The following TMEM53 variants were observed in gnomAD, a reference collection of about 807,000 sequenced individuals.
The protein encoded by TMEM53 is novel DUF829 domain-containing protein.
TMEM53 carries 14 observed loss-of-function variants against 21.4 expected under a neutral mutation model. The ratio of observed to expected loss-of-function variants is 0.65; its 90% CI spans 0.43 to 1.02. The LOEUF (loss-of-function observed/expected upper bound fraction) is 1.02. Ranked by LOEUF, TMEM53 falls within the 50% of genes least tolerant of loss-of-function variation. The pLI, the probability that TMEM53 is intolerant of heterozygous loss-of-function variation, is 0.00. For synonymous variants in TMEM53, 148 were observed against 157.4 expected (o/e 0.94, Z 0.45); for missense variants, 323 against 383.6 (o/e 0.84, Z 1.32).
chr1:44,672,227 A>G (rs564021455), intron 1 of TMEM53, among the ~76,000 whole-genome samples: 67 of 152,364 alleles, frequency 4.4e-4, no homozygotes, highest in African/African-American at 1.6e-3. Flanking sequence ...AGCAATAAGG[A>G]GGAGAAACAA....
At chr1:44,664,510 G>A (rs1380110267) in intron 1 of TMEM53, among the ~76,000 whole-genome samples, 2 of 151,336 alleles carry the variant, frequency 1.3e-5, no homozygotes, top group Admixed American at 6.6e-5. Context: ...TTTTACAGAC[G>A]AAAACCTGAG....
Position 44,674,280 on chromosome 1 carries a change from C to G in TMEM53, c.61+51G>C, listed in dbSNP as rs1234044497. On this transcript the variant is annotated intron_variant, in intron 1 of 2. Coordinates refer to ENST00000372237, the MANE Select transcript of TMEM53 (RefSeq NM_024587.4). ...GGGCTACAGCTGCGCTCGCAACCCACAGGTTCATGAGGTCACCTCCCCGCG... is the reference window on the plus strand; with the variant it reads ...GGGCTACAGCTGCGCTCGCAACCCAGAGGTTCATGAGGTCACCTCCCCGCG... 4.5e-6 allele frequency: 7 copies of G among 1,568,256 alleles called. No individual in the cohort carries two copies. The East Asian group carries it at 6.9e-5, about 15-fold the overall frequency.
chr1:44,659,074 G>A (rs948198923), intron 2 of TMEM53, among the ~76,000 whole-genome samples: 2 of 152,184 alleles, frequency 1.3e-5, no homozygotes, highest in African/African-American at 4.8e-5. Flanking sequence ...GAAACTGCCC[G>A]CAGTGAGGCT....
At chr1:44,669,458 G>A (rs1644979725) in intron 1 of TMEM53, among the ~76,000 whole-genome samples, 3 of 152,140 alleles carry the variant, frequency 2.0e-5, no homozygotes, top group Admixed American at 2.0e-4. Context: ...CCCTCCTAAT[G>A]GCAACTGAAA....
intron 2 of TMEM53, among the ~76,000 whole-genome samples, chr1:44,658,585 T>C (rs986527558): frequency 6.6e-6 from 1 of 152,092 alleles, no homozygotes; most frequent in East Asian, 1.9e-4. Flanking sequence ...GGGTCTCACT[T>C]TGTTGCCCAG....
Position 44,655,012 on chromosome 1 carries a change from C to G in TMEM53, c.381G>C (p.Leu127=), listed in dbSNP as rs747828739. The change falls in exon 3 of 3, where the codon CTG becomes CTC. Residue 127 remains leucine (L), a synonymous_variant. Coordinates refer to ENST00000372237, the MANE Select transcript of TMEM53 (RefSeq NM_024587.4). This position sits in a 1 kb window ranked among gnomAD's most constrained non-coding sequence, Gnocchi z 4.4. ...VMLYRYVLEL[L]QTRRFCRLRV... is the part of the protein sequence containing the mutation. ...GCAGGCGGCAGAAGCGACGGGTCTG[C>G]AGGAGCTCCAGCACGTAGCGGTACA... is the stretch of plus-strand genomic sequence containing the variant. The G allele has an allele frequency of 6.2e-7, 1 of 1,613,924 alleles. No individual in the cohort carries two copies. Among genetic ancestry groups the G allele is most frequent in the Admixed American group, 1.7e-5 (1 of 60,006 alleles).
At position 44,654,741 on chromosome 1, in the gene TMEM53, T is replaced by C. The variant is rs771558169; in HGVS notation, c.652A>G (p.Arg218Gly). ...CTGGCCAGGACTACTTCGTCAGCCCTCGAGTAGAGGTAGAGCTCGGGCCAG... is the reference window on the plus strand; with the variant it reads ...CTGGCCAGGACTACTTCGTCAGCCCCCGAGTAGAGGTAGAGCTCGGGCCAG... ...SRWPELYLYS[R>G]ADEVVLARDI... Residue 218 changes from arginine to glycine, a missense_variant, in exon 3 of 3, where the codon AGG becomes GGG. By Grantham distance (125) the Arg-to-Gly change is moderately radical. Around this residue, in one of 3 missense-constraint regions of TMEM53, gnomAD observed 269 missense variants for 334.5 expected, o/e 0.80. Transcript: ENST00000372237. This position sits in a 1 kb window ranked among gnomAD's most constrained non-coding sequence, Gnocchi z 7.0. 4 of 1,613,856 alleles carry C rather than the reference T, an allele frequency of 2.5e-6. No homozygotes were observed. The highest frequency in any genetic ancestry group is 3.4e-6 in the Non-Finnish European group (4 of 1,180,010).
chr1:44,673,294 C>T (rs1484460026), intron 1 of TMEM53, among the ~76,000 whole-genome samples: 3 of 152,190 alleles, frequency 2.0e-5, no homozygotes, highest in Non-Finnish European at 2.9e-5. Context: ...GGAAGGCTCT[C>T]CTTAAGGAGG....
rs1395890503 is a variant in TMEM53 at position 44,674,331 on chromosome 1, T to C, written c.61A>G (p.Lys21Glu). The C allele has an allele frequency of 6.2e-7, 1 of 1,611,722 alleles. No individual in the cohort carries two copies. The highest frequency in any genetic ancestry group is 2.2e-5 in the East Asian group (1 of 44,644). Reference sequence around the variant, plus strand: ...CCTGGACCCAACCCTCATTCCATACTCTGGCTCCAGCAGGGCTGATCCGGG... The same window carrying C: ...CCTGGACCCAACCCTCATTCCATACCCTGGCTCCAGCAGGGCTGATCCGGG... ...EIPDQPCWSQ[K>E]NSPSPGGKEA... The change falls in exon 1 of 3, where the codon AAG (lysine) becomes GAG (glutamate). Residue 21 changes from lysine to glutamate, a missense_variant and splice_region_variant. By Grantham distance (56) the Lys-to-Glu change is moderately conservative. Around this residue, in one of 3 missense-constraint regions of TMEM53, gnomAD observed 49 missense variants for 32.9 expected, o/e 1.49. Coordinates refer to ENST00000372237, the MANE Select transcript of TMEM53 (RefSeq NM_024587.4).
At chr1:44,672,573 AGAATGTTTG>A (rs1645011282) in intron 1 of TMEM53, among the ~76,000 whole-genome samples, 1 of 152,208 alleles carries the variant, frequency 6.6e-6, no homozygotes, top group South Asian at 2.1e-4. Flanking sequence ...CCAACAGGCT[AGAATGTTTG>A]GGCAGAAGCA....
chr1:44,658,840 C>T (rs1245848891), intron 2 of TMEM53, among the ~76,000 whole-genome samples: 2 of 152,206 alleles, frequency 1.3e-5, no homozygotes, highest in Non-Finnish European at 2.9e-5. Flanking sequence ...ACATGAGTCA[C>T]TGCGCCAGGC....
In TMEM53 at chr1:44,660,308, T is replaced by C. The variant is rs773017344; in HGVS notation, c.62-13A>G. On this transcript the variant is annotated splice_polypyrimidine_tract_variant and intron_variant, in intron 1 of 2. Coordinates refer to ENST00000372237, the MANE Select transcript of TMEM53 (RefSeq NM_024587.4). ...CTGGGGCTGTTCTCTGAAACACAGA[T>C]GTGGACTGTCAACACCAGAGCTGGG... The C allele has an allele frequency of 1.9e-6, 3 of 1,610,866 alleles. No individual in the cohort carries two copies. The highest frequency in any genetic ancestry group is 2.5e-6 in the Non-Finnish European group (3 of 1,178,778).
rs148782802 is a variant in TMEM53 at position 44,653,504 on chromosome 1, C to T, written c.*1055G>A. 1.3e-5 allele frequency: 2 copies of T among 152,310 alleles called. No individual in the cohort carries two copies. The highest frequency in any genetic ancestry group is 2.9e-5 in the Non-Finnish European group (2 of 68,098). 9.4% of individuals were successfully genotyped at this position (152,310 alleles called of 1,614,324 possible). A position where few individuals can be genotyped will look rare whatever the true frequency, so the allele number is the denominator to read the frequency against. Reference sequence around the variant, plus strand: ...TACAATGCTGCTGCCTTCCTGCCCCCCACTGTCTCTGGCAACTTTCAGCTT... The same window carrying T: ...TACAATGCTGCTGCCTTCCTGCCCCTCACTGTCTCTGGCAACTTTCAGCTT... On this transcript the variant is annotated 3_prime_UTR_variant, in exon 3 of 3. Coordinates refer to ENST00000372237, the MANE Select transcript of TMEM53 (RefSeq NM_024587.4).
chr1:44,669,990 G>T (rs1046390369), intron 1 of TMEM53, among the ~76,000 whole-genome samples: 1 of 151,618 alleles, frequency 6.6e-6, no homozygotes, highest in Non-Finnish European at 1.5e-5. Context: ...TAGAGATGGG[G>T]TTTCTCCATA....
chr1:44,666,720 G>A (rs1218431980), intron 1 of TMEM53, among the ~76,000 whole-genome samples: 1 of 152,160 alleles, frequency 6.6e-6, no homozygotes, highest in African/African-American at 2.4e-5. Context: ...GGGGAGGAGG[G>A]AATGGAGAGT....
intron 1 of TMEM53, among the ~76,000 whole-genome samples, chr1:44,673,170 G>T (rs1399968430): frequency 1.3e-5 from 2 of 152,246 alleles, no homozygotes; most frequent in Non-Finnish European, 2.9e-5. Flanking sequence ...TAAGCCAGCA[G>T]ATCCAGTTCT....
chr1:44,660,072 G>T, intron 2 of TMEM53, 102 bp downstream of exon 2: 1 of 1,405,940 alleles, frequency 7.1e-7, no homozygotes, highest in South Asian at 1.4e-5. Flanking sequence ...TGGCCAGGCT[G>T]GTCTCGAACT....
At chr1:44,673,884 T>C in intron 1 of TMEM53, 1 of 985,414 alleles carries the variant, frequency 1.0e-6, no homozygotes, top group Non-Finnish European at 1.2e-6. Context: ...CTAAGGGTTC[T>C]GAGTCCCGGG....
chr1:44,660,537 A>C (rs1644891835), intron 1 of TMEM53, among the ~76,000 whole-genome samples: 1 of 152,214 alleles, frequency 6.6e-6, no homozygotes, highest in South Asian at 2.1e-4. Flanking sequence ...AGAGACTCGA[A>C]GACAGCCCAA....
Sources: allele counts gnomAD v4.1 joint callset (sites outside exome capture counted in the v4.1 genomes callset), GRCh38; gene constraint gnomAD v4.1.1; regional missense constraint gnomAD v4.1.1; non-coding constraint Gnocchi (gnomAD v3.1); transcripts MANE v1.5; gene names NCBI Gene and HGNC (gene_info 2026-07-23, HGNC 2026-07-21).